Variants in SCFD2 observed in about 807,000 individuals in gnomAD.
SCFD2 encodes sec1 family domain-containing protein 2.
SCFD2 carries 54 observed loss-of-function variants against 58.9 expected under a neutral mutation model. That is an observed-to-expected ratio of 0.92 (90% CI 0.74 to 1.15). SCFD2 has a LOEUF of 1.15. SCFD2 is among the 50% of genes most tolerant of loss of function. The pLI is 0.00. For missense variants in SCFD2, 805 were observed against 836.6 expected, an observed-to-expected ratio of 0.96 and a Z score of 0.47; for synonymous variants, 321 against 335.9, an observed-to-expected ratio of 0.96 and a Z score of 0.49.
intron 5 of SCFD2, among the ~76,000 whole-genome samples, chr4:53,050,712 C>G (rs1723166463): frequency 2.0e-5 from 3 of 152,168 alleles, no homozygotes; most frequent in South Asian, 4.1e-4. Context: ...GGCTGAAAAC[C>G]CTTTCATGGC....
At chr4:53,229,523 G>A (rs542495352) in intron 4 of SCFD2, among the ~76,000 whole-genome samples, 18 of 152,168 alleles carry the variant, frequency 1.2e-4, no homozygotes, top group Admixed American at 1.2e-3. Flanking sequence ...AATGGGGAAA[G>A]GATTCCCTAT....
chr4:52,949,008 C>G (rs1720516404), intron 5 of SCFD2: 1 of 153,934 alleles, frequency 6.5e-6, no homozygotes, highest in Non-Finnish European at 1.4e-5. Context: ...AAGCATAGGA[C>G]AGGCAGCCCC....
At chr4:53,245,035 C>T (rs952275789) in intron 4 of SCFD2, among the ~76,000 whole-genome samples, 5 of 151,990 alleles carry the variant, frequency 3.3e-5, no homozygotes, top group Non-Finnish European at 5.9e-5. Flanking sequence ...TGGACACATA[C>T]ACCCTCCCAA....
At chr4:53,143,866 T>C (rs540661585) in intron 5 of SCFD2, among the ~76,000 whole-genome samples, 11 of 151,524 alleles carry the variant, frequency 7.3e-5, no homozygotes, top group African/African-American at 2.7e-4. Context: ...TTTAAAGTAC[T>C]CACATTTCAC....
Position 52,900,631 on chromosome 4 carries a change from A to G in SCFD2, c.1842+6826T>C, listed in dbSNP as rs571001281. Among the ~76,000 whole-genome samples, 5 of 152,282 alleles carry G rather than the reference A, an allele frequency of 3.3e-5. No homozygotes were observed. In the South Asian group the frequency reaches 1.0e-3, roughly 32 times the overall value. On this transcript the variant is annotated intron_variant, in intron 7 of 8. Coordinates refer to ENST00000401642, the MANE Select transcript of SCFD2 (RefSeq NM_152540.4). Reference sequence around the variant, plus strand: ...GCATTCTGCCGGTTCTCAGATCTCAAGCTGCGTGCTGGGAGAACCACTACT... The same window carrying G: ...GCATTCTGCCGGTTCTCAGATCTCAGGCTGCGTGCTGGGAGAACCACTACT...
intron 5 of SCFD2, among the ~76,000 whole-genome samples, chr4:53,116,658 T>C (rs1011206390): frequency 6.6e-6 from 1 of 152,210 alleles, no homozygotes; most frequent in Non-Finnish European, 1.5e-5. Flanking sequence ...TTCCAGCTTC[T>C]GAATCCAATT....
chr4:53,135,321 A>C (rs2148903135), intron 5 of SCFD2, among the ~76,000 whole-genome samples: 1 of 152,338 alleles, frequency 6.6e-6, no homozygotes, highest in Non-Finnish European at 1.5e-5. Context: ...TATTTGACTC[A>C]TGTAATGTTT....
chr4:52,906,841 T>C (rs557997104), intron 7 of SCFD2, among the ~76,000 whole-genome samples: 3 of 152,352 alleles, frequency 2.0e-5, no homozygotes, highest in South Asian at 2.1e-4. Context: ...TGTAATCTTA[T>C]TGAAATCTTT....
chr4:53,246,369 C>T (rs543934714), intron 4 of SCFD2, among the ~76,000 whole-genome samples: 22 of 152,016 alleles, frequency 1.4e-4, no homozygotes, highest in Admixed American at 2.0e-4. Context: ...GGAACAACAA[C>T]GAAAAACCCG....
chr4:53,329,555 T>G (rs1465605223), intron 2 of SCFD2, among the ~76,000 whole-genome samples: 3 of 149,932 alleles, frequency 2.0e-5, no homozygotes, highest in South Asian at 4.3e-4. Context: ...GAAGGAAAAC[T>G]AACAAACAGA....
intron 5 of SCFD2, among the ~76,000 whole-genome samples, chr4:53,076,215 T>C (rs1723969260): frequency 6.6e-6 from 1 of 152,210 alleles, no homozygotes; most frequent in Non-Finnish European, 1.5e-5. Flanking sequence ...GGCTGGTTAT[T>C]CCATCCCCTT....
chr4:52,926,400 A>G (rs1719864749), intron 5 of SCFD2, among the ~76,000 whole-genome samples: 1 of 151,976 alleles, frequency 6.6e-6, no homozygotes, highest in African/African-American at 2.4e-5. Flanking sequence ...AGACACACAC[A>G]CGCACGCGTG....
intron 5 of SCFD2, among the ~76,000 whole-genome samples, chr4:53,129,139 T>C (rs2148898191): frequency 6.6e-6 from 1 of 152,328 alleles, no homozygotes; most frequent in South Asian, 2.1e-4. Flanking sequence ...CCTCATCAGT[T>C]TCCTCTGCCA....
chr4:53,291,041 C>G (rs1229702568), intron 3 of SCFD2, among the ~76,000 whole-genome samples: 1 of 152,080 alleles, frequency 6.6e-6, no homozygotes, highest in Non-Finnish European at 1.5e-5. Context: ...ACCAATACCT[C>G]TTAAGCCCAC....
intron 5 of SCFD2, among the ~76,000 whole-genome samples, chr4:53,048,268 T>C (rs1385059097): frequency 2.6e-5 from 4 of 152,136 alleles, no homozygotes; most frequent in Non-Finnish European, 5.9e-5. Context: ...TGAGAACCAC[T>C]TGAACCTGGA....
At chr4:52,996,717 C>G (rs909772569) in intron 5 of SCFD2, among the ~76,000 whole-genome samples, 1 of 152,232 alleles carries the variant, frequency 6.6e-6, no homozygotes, top group African/African-American at 2.4e-5. Flanking sequence ...TCCTGACCCT[C>G]ACAGCAATGC....
intron 4 of SCFD2, among the ~76,000 whole-genome samples, chr4:53,229,518 G>A (rs1436161009): frequency 4.6e-5 from 7 of 152,128 alleles, no homozygotes; most frequent in Admixed American, 1.3e-4. Flanking sequence ...CAAGCAATGG[G>A]GAAAGGATTC....
At chr4:53,041,835 T>G (rs1185237240) in intron 5 of SCFD2, among the ~76,000 whole-genome samples, 1 of 152,172 alleles carries the variant, frequency 6.6e-6, no homozygotes, top group Non-Finnish European at 1.5e-5. Flanking sequence ...TTCCATAGCA[T>G]AGCTCTGTTT....
intron 4 of SCFD2, among the ~76,000 whole-genome samples, chr4:53,255,050 T>G (rs777091640): frequency 4.8e-4 from 73 of 150,648 alleles, no homozygotes; most frequent in Non-Finnish European, 9.0e-4. Context: ...TTTTTGTATT[T>G]TTAGTAGAGA....
Sources: gnomAD v4.1 joint callset for allele counts (sites outside exome capture counted in the v4.1 genomes callset) on GRCh38, gnomAD v4.1.1 for gene constraint, MANE v1.5 for transcripts, NCBI Gene and HGNC (gene_info 2026-07-23, HGNC 2026-07-21) for gene names.